Variants in AGMO observed in about 807,000 individuals in gnomAD.
AGMO encodes the protein alkylglycerol monooxygenase.
AGMO carries 75 observed loss-of-function variants against 60.2 expected under a neutral mutation model. The observed-to-expected ratio is 1.25, with a 90% CI of 1.03 to 1.51. The LOEUF (loss-of-function observed/expected upper bound fraction) is 1.51, where lower values mean the gene tolerates loss of function less well. Among genes scored for constraint, AGMO ranks in the 40% most tolerant of loss-of-function variants. The pLI, the probability that AGMO is intolerant of heterozygous loss-of-function variation, is 0.00. For synonymous variants in AGMO, 261 were observed against 177.1 expected, an observed-to-expected ratio of 1.47 and a Z score of -3.76; for missense variants, 763 against 525.5, an observed-to-expected ratio of 1.45 and a Z score of -4.42.
At chr7:15,239,606 G>A (rs925172678) in intron 12 of AGMO, among the ~76,000 whole-genome samples, 7 of 152,080 alleles carry the variant, frequency 4.6e-5, no homozygotes, top group African/African-American at 1.7e-4. Flanking sequence ...CAGTGTGCCT[G>A]TATAATTTAT....
intron 10 of AGMO, among the ~76,000 whole-genome samples, chr7:15,383,204 T>C (rs1282836047): frequency 6.6e-6 from 1 of 152,150 alleles, no homozygotes; most frequent in African/African-American, 2.4e-5. Flanking sequence ...GTATTTTACC[T>C]AGAGCAAGTT....
chr7:15,298,309 C>T (rs913122432), intron 12 of AGMO, among the ~76,000 whole-genome samples: 1 of 152,090 alleles, frequency 6.6e-6, no homozygotes, highest in African/African-American at 2.4e-5. Context: ...TAATCATTTG[C>T]CTTCATACCA....
intron 12 of AGMO, among the ~76,000 whole-genome samples, chr7:15,222,900 T>C (rs1247575717): frequency 1.3e-5 from 2 of 151,670 alleles, no homozygotes; most frequent in Admixed American, 1.3e-4. Context: ...CAATGAAACG[T>C]AGTTAACATT....
At chr7:15,526,869 T>G (rs1356577271) in intron 3 of AGMO, among the ~76,000 whole-genome samples, 1 of 152,146 alleles carries the variant, frequency 6.6e-6, no homozygotes. Context: ...TATTTCAAAC[T>G]TTTTCATTAT....
chr7:15,401,335 A>G (rs900252072), intron 5 of AGMO, among the ~76,000 whole-genome samples: 1 of 152,156 alleles, frequency 6.6e-6, no homozygotes, highest in Non-Finnish European at 1.5e-5. Flanking sequence ...ATTGGCAAAC[A>G]TTGACTAGTT....
chr7:15,337,457 A>C (rs1342337131), intron 12 of AGMO, among the ~76,000 whole-genome samples: 1 of 152,160 alleles, frequency 6.6e-6, no homozygotes, highest in South Asian at 2.1e-4. Flanking sequence ...TCAAGGAGAC[A>C]CTTGAAATCA....
At chr7:15,228,000 G>A (rs181213429) in intron 12 of AGMO, among the ~76,000 whole-genome samples, 15 of 152,194 alleles carry the variant, frequency 9.9e-5, no homozygotes, top group Admixed American at 9.8e-4. Flanking sequence ...ATGTTGCTGG[G>A]TGGAGCTCTC....
At chr7:15,117,336 T>C in the AGMO span, among the ~76,000 whole-genome samples, 1 of 152,012 alleles carries the variant, frequency 6.6e-6, no homozygotes, top group Non-Finnish European at 1.5e-5. Flanking sequence ...GTAACCGATG[T>C]AATGGATACT....
At chr7:15,446,249 A>G (rs745857824) in intron 3 of AGMO, among the ~76,000 whole-genome samples, 9 of 152,232 alleles carry the variant, frequency 5.9e-5, no homozygotes, top group Non-Finnish European at 1.3e-4. Flanking sequence ...TTCATAGATA[A>G]CAAGACAAAT....
intron 12 of AGMO, among the ~76,000 whole-genome samples, chr7:15,328,167 G>C (rs906948332): frequency 6.6e-6 from 1 of 151,534 alleles, no homozygotes; most frequent in African/African-American, 2.4e-5. Context: ...GCACAATTTT[G>C]TCTCACTGCA....
intron 3 of AGMO, among the ~76,000 whole-genome samples, chr7:15,535,202 G>A (rs1490391066): frequency 2.0e-5 from 3 of 151,776 alleles, no homozygotes; most frequent in Non-Finnish European, 4.4e-5. Context: ...CTGTCTCTCG[G>A]GGATGGATTT....
At chr7:15,544,661 T>C (rs1784724526) in intron 3 of AGMO, 111 bp downstream of exon 3, 1 of 945,186 alleles carries the variant, frequency 1.1e-6, no homozygotes. Flanking sequence ...ATCCGTAAAA[T>C]ATACTATTTT....
At chr7:15,221,398 A>G (rs1349445088) in intron 12 of AGMO, among the ~76,000 whole-genome samples, 2 of 152,174 alleles carry the variant, frequency 1.3e-5, no homozygotes, top group African/African-American at 2.4e-5. Flanking sequence ...TCATAATCAC[A>G]GAAAGAGAGA....
chr7:15,356,735 A>G (rs573242476), intron 12 of AGMO, among the ~76,000 whole-genome samples: 4 of 151,984 alleles, frequency 2.6e-5, no homozygotes, highest in Admixed American at 1.3e-4. Context: ...CTCAAATGCT[A>G]TATGAAAAAA....
chr7:15,305,659 AT>A (rs1217412206), intron 12 of AGMO, among the ~76,000 whole-genome samples: 1 of 151,990 alleles, frequency 6.6e-6, no homozygotes, highest in African/African-American at 2.4e-5. Flanking sequence ...CTGATCTAGA[AT>A]TTGTAAAGAA....
chr7:15,192,119 G>A, the AGMO span, among the ~76,000 whole-genome samples: 1 of 151,976 alleles, frequency 6.6e-6, no homozygotes, highest in African/African-American at 2.4e-5. Context: ...ACAAAACCAT[G>A]TTAATATGGA....
At chr7:15,122,268 TCTTA>T in the AGMO span, among the ~76,000 whole-genome samples, 1 of 151,950 alleles carries the variant, frequency 6.6e-6, no homozygotes, top group Non-Finnish European at 1.5e-5. Context: ...CTTCTCTCTT[TCTTA>T]ATCTACTTTG....
chr7:15,393,103 T>G lies in AGMO; in HGVS notation c.676+1010A>C, dbSNP rs914183403. 2.0e-5 allele frequency among the ~76,000 whole-genome samples: 3 copies of G among 152,340 alleles called. No individual in the cohort carries two copies. The East Asian group carries it at 5.8e-4, about 29-fold the overall frequency. On this transcript the variant is annotated intron_variant, in intron 6 of 12. Transcript: ENST00000342526. Reference sequence around the variant, plus strand: ...GAAGAATTAAAAGTCGAACCAATCATAAATCAAGGACTTTCTGTCCTCCCT... The same window carrying G: ...GAAGAATTAAAAGTCGAACCAATCAGAAATCAAGGACTTTCTGTCCTCCCT...
chr7:15,327,608 A>T lies in AGMO; in HGVS notation c.1263+37906T>A, dbSNP rs188546093. Among the ~76,000 whole-genome samples the T allele has an allele frequency of 5.9e-5, 9 of 151,988 alleles. No individual in the cohort carries two copies. In the East Asian group the frequency reaches 1.8e-3, roughly 30 times the overall value. ...ATTAGAAAAGAGACTACTATAGCAC[A>T]GTGATATGGGAACTATAAACGACAA... On this transcript the variant is annotated intron_variant, in intron 12 of 12. Coordinates refer to ENST00000342526, the MANE Select transcript of AGMO (RefSeq NM_001004320.2).
Sources: allele counts gnomAD v4.1 joint callset (sites outside exome capture counted in the v4.1 genomes callset), GRCh38; gene constraint gnomAD v4.1.1; transcripts MANE v1.5; gene names NCBI Gene and HGNC (gene_info 2026-07-23, HGNC 2026-07-21).